RFX3: variants seen among roughly 807,000 people sequenced by gnomAD.
RFX3 encodes transcription factor RFX3.
RFX3 carries 14 observed loss-of-function variants against 98.6 expected under a neutral mutation model. That is an observed-to-expected ratio of 0.14 (90% CI 0.09 to 0.22). RFX3 has a LOEUF of 0.22. Ranked by LOEUF, RFX3 falls within the 10% of genes least tolerant of loss-of-function variation. The pLI, the probability that RFX3 is intolerant of heterozygous loss-of-function variation, is 1.00. For missense variants in RFX3, 639 were observed against 926.9 expected, an observed-to-expected ratio of 0.69 and a Z score of 4.03; for synonymous variants, 383 against 328.4, an observed-to-expected ratio of 1.17 and a Z score of -1.80.
rs542576798 is a variant in RFX3 at position 3,308,422 on chromosome 9, T to C, written c.475-6802A>G. ...TGCCTTTAGACAGACTGCTGAAATG[T>C]CAGAGTGGCTGGTCTCTGGGGCAGA... On this transcript the variant is annotated intron_variant, in intron 4 of 16. Transcript: ENST00000617270. 3.3e-4 allele frequency among the ~76,000 whole-genome samples: 50 copies of C among 152,314 alleles called. 2 individuals are homozygous for C. The South Asian group carries it at 9.5e-3, about 29-fold the overall frequency.
chr9:3,391,977 T>C (rs546180112), intron 2 of RFX3, among the ~76,000 whole-genome samples: 4 of 152,132 alleles, frequency 2.6e-5, no homozygotes, highest in South Asian at 2.1e-4. Context: ...TACCCAACTC[T>C]TTCCCCAACT....
At chr9:3,483,331 T>A (rs974400548) in intron 1 of RFX3, among the ~76,000 whole-genome samples, 1 of 152,186 alleles carries the variant, frequency 6.6e-6, no homozygotes, top group African/African-American at 2.4e-5. Flanking sequence ...CCAAGATATG[T>A]CCAATCTATA....
chr9:3,356,765 C>T (rs900866044), intron 2 of RFX3, among the ~76,000 whole-genome samples: 38 of 151,886 alleles, frequency 2.5e-4, no homozygotes, highest in African/African-American at 8.2e-4. Flanking sequence ...AATATATTTA[C>T]AGGACAATAA....
At chr9:3,268,763 G>A (rs952557261) in intron 11 of RFX3, among the ~76,000 whole-genome samples, 2 of 151,878 alleles carry the variant, frequency 1.3e-5, no homozygotes, top group Admixed American at 1.3e-4. Context: ...TTAAAACAGA[G>A]AACTGTTAAA....
At chr9:3,525,317 C>T (rs1227595675) in intron 1 of RFX3, among the ~76,000 whole-genome samples, 1 of 152,222 alleles carries the variant, frequency 6.6e-6, no homozygotes, top group African/African-American at 2.4e-5. Context: ...CAGGAAACAG[C>T]AGCGTTGGAA....
intron 6 of RFX3, among the ~76,000 whole-genome samples, chr9:3,290,037 T>C (rs1257106787): frequency 6.6e-6 from 1 of 152,146 alleles, no homozygotes; most frequent in African/African-American, 2.4e-5. Flanking sequence ...GTTTCTATGG[T>C]AGAAAGAATG....
At chr9:3,297,399 C>T (rs748483645) in intron 5 of RFX3, among the ~76,000 whole-genome samples, 1 of 151,872 alleles carries the variant, frequency 6.6e-6, no homozygotes, top group Non-Finnish European at 1.5e-5. Flanking sequence ...ATGGTGGAAA[C>T]GAAGATAATT....
chr9:3,463,014 C>A (rs888955078), intron 1 of RFX3, among the ~76,000 whole-genome samples: 5 of 152,162 alleles, frequency 3.3e-5, no homozygotes, highest in Admixed American at 3.3e-4. Flanking sequence ...AGAGTCAATG[C>A]AATTCCAATC....
intron 1 of RFX3, among the ~76,000 whole-genome samples, chr9:3,479,440 T>A (rs1349324795): frequency 6.6e-6 from 1 of 152,154 alleles, no homozygotes; most frequent in Non-Finnish European, 1.5e-5. Context: ...AATTTTTAGA[T>A]CACTGATTCT....
chr9:3,397,159 C>A (rs542027611), intron 1 of RFX3, among the ~76,000 whole-genome samples: 3 of 152,164 alleles, frequency 2.0e-5, no homozygotes, highest in Admixed American at 6.5e-5. Context: ...GCCTGACCTG[C>A]CATTGTTTAC....
chr9:3,432,482 A>G (rs919284020), intron 1 of RFX3, among the ~76,000 whole-genome samples: 2 of 152,190 alleles, frequency 1.3e-5, no homozygotes, highest in Non-Finnish European at 2.9e-5. Context: ...AGCCCAAACC[A>G]TAAATTCCTG....
intron 2 of RFX3, among the ~76,000 whole-genome samples, chr9:3,355,259 C>T (rs1009701302): frequency 1.4e-4 from 21 of 151,864 alleles, no homozygotes; most frequent in African/African-American, 5.1e-4. Flanking sequence ...AGATTCATAT[C>T]CTAATTGTCA....
intron 1 of RFX3, among the ~76,000 whole-genome samples, chr9:3,466,430 T>G (rs1295692678): frequency 6.6e-6 from 1 of 152,164 alleles, no homozygotes; most frequent in East Asian, 1.9e-4. Context: ...AAAGCAATGT[T>G]TTAGTCAAAT....
intron 1 of RFX3, among the ~76,000 whole-genome samples, chr9:3,446,908 T>C (rs1271832863): frequency 6.6e-6 from 1 of 152,040 alleles, no homozygotes; most frequent in African/African-American, 2.4e-5. Context: ...AAGATGGAAC[T>C]TAAAAAAAAT....
At chr9:3,443,169 C>T (rs1380265818) in intron 1 of RFX3, among the ~76,000 whole-genome samples, 2 of 152,192 alleles carry the variant, frequency 1.3e-5, no homozygotes, top group Non-Finnish European at 2.9e-5. Flanking sequence ...GAAACCACTA[C>T]ACATCCATTA....
intron 1 of RFX3, among the ~76,000 whole-genome samples, chr9:3,485,802 G>C (rs1033520937): frequency 2.2e-4 from 33 of 151,990 alleles, no homozygotes; most frequent in Admixed American, 2.2e-3. Flanking sequence ...TATAATCCAA[G>C]AACTTTAAAC....
chr9:3,504,979 A>AT (rs1564186171), intron 1 of RFX3, among the ~76,000 whole-genome samples: 2 of 81,506 alleles, frequency 2.5e-5, no homozygotes, highest in African/African-American at 1.0e-4. Context: ...TATATTATAT[A>AT]ATATATATGT....
chr9:3,495,895 C>T (rs1295778917), intron 1 of RFX3, among the ~76,000 whole-genome samples: 1 of 151,972 alleles, frequency 6.6e-6, no homozygotes, highest in Non-Finnish European at 1.5e-5. Flanking sequence ...AATTAAATGC[C>T]TTTATGGTCA....
rs1817380031 is a variant in RFX3 at position 3,508,824 on chromosome 9, T to C, written c.-9+16923A>G. On this transcript the variant is annotated intron_variant, in intron 1 of 16. Coordinates refer to ENST00000617270, the MANE Select transcript of RFX3 (RefSeq NM_001282116.2). ...GTTACATTGGGAAGTTCAATTGCCA[T>C]ATTCTTGGTTTCTCTTAAATTGACT... is the stretch of plus-strand genomic sequence containing the variant. 2.0e-5 allele frequency among the ~76,000 whole-genome samples: 3 copies of C among 151,952 alleles called. No individual in the cohort carries two copies. The South Asian group carries it at 6.2e-4, about 31-fold the overall frequency.
Sources: gnomAD v4.1 joint callset for allele counts (sites outside exome capture counted in the v4.1 genomes callset) on GRCh38, gnomAD v4.1.1 for gene constraint, MANE v1.5 for transcripts, NCBI Gene and HGNC (gene_info 2026-07-23, HGNC 2026-07-21) for gene names.